The following TNS4 variants were observed in gnomAD, a reference collection of about 807,000 sequenced individuals.
TNS4 encodes tensin-4.
TNS4 carries 46 observed loss-of-function variants against 70.4 expected under a neutral mutation model. That is an observed-to-expected ratio of 0.65 (90% CI 0.52 to 0.84). TNS4 has a LOEUF of 0.84. Ranked by LOEUF, TNS4 falls within the 40% of genes least tolerant of loss-of-function variation. The pLI, the probability that TNS4 is intolerant of heterozygous loss-of-function variation, is 0.00. For synonymous variants in TNS4, 390 were observed against 366.6 expected (o/e 1.06, Z -0.73); for missense variants, 863 against 907.0 (o/e 0.95, Z 0.62).
chr17:40,495,051 A>G (rs1022304741), intron 2 of TNS4, among the ~76,000 whole-genome samples: 1 of 152,072 alleles, frequency 6.6e-6, no homozygotes, highest in Non-Finnish European at 1.5e-5. Flanking sequence ...ATTGGCTTGT[A>G]TCAGCTGGTT....
At chr17:40,496,984 A>T (rs1341718022) in intron 1 of TNS4, among the ~76,000 whole-genome samples, 1 of 152,206 alleles carries the variant, frequency 6.6e-6, no homozygotes, top group African/African-American at 2.4e-5. Flanking sequence ...ATCCCATTTT[A>T]CAGGGAGAGA....
rs1597704666 is a variant in TNS4, at chr17:40,501,528, A to G, written c.-96+6T>C. ...TCCTCTCTTCTTAAAGAATAAAGGC[A>G]CCTACCTGGTGTCCACAGGTGGGCA... On this transcript the variant is annotated splice_donor_region_variant and intron_variant, in intron 1 of 12. Coordinates refer to ENST00000254051, the MANE Select transcript of TNS4 (RefSeq NM_032865.6). The G allele has an allele frequency of 2.0e-5, 3 of 151,864 alleles. No individual in the cohort carries two copies. In the South Asian group the frequency reaches 6.2e-4, roughly 32 times the overall value. The allele number at this position is 151,864 out of a possible 1,614,324, so 9.4% of individuals were successfully genotyped here.
intron 3 of TNS4, among the ~76,000 whole-genome samples, 156 bp from the exon 4 acceptor site, chr17:40,487,616 C>A (rs1039920939): frequency 6.6e-6 from 1 of 152,150 alleles, no homozygotes; most frequent in Admixed American, 6.5e-5. Flanking sequence ...AAGTGCATGC[C>A]CACCTAATCC....
At chr17:40,479,878 C>G (rs758666195) in intron 9 of TNS4, 36 bp from the exon 10 acceptor site, 11 of 1,570,098 alleles carry the variant, frequency 7.0e-6, no homozygotes, top group Non-Finnish European at 8.6e-6. Flanking sequence ...GGCCACTGAC[C>G]CAGGGCCCAG....
Position 40,476,231 on chromosome 17 carries a change from G to A in TNS4, c.*1357C>T, listed in dbSNP as rs1473234157. ...TGGTTCCAGCTTCTGGAGGCTGGGTGGGGGTGGGGTGGGGGTGGGTGTGGG... is the reference window on the plus strand; with the variant it reads ...TGGTTCCAGCTTCTGGAGGCTGGGTAGGGGTGGGGTGGGGGTGGGTGTGGG... On this transcript the variant is annotated 3_prime_UTR_variant, in exon 13 of 13. Coordinates refer to ENST00000254051, the MANE Select transcript of TNS4 (RefSeq NM_032865.6). The A allele has an allele frequency of 1.1e-4, 16 of 151,296 alleles. No homozygotes were observed. Among genetic ancestry groups the A allele is most frequent in the African/African-American group, 3.6e-4 (15 of 41,194 alleles). The allele number at this position is 151,296 out of a possible 1,614,324, so 9.4% of individuals were successfully genotyped here.
At chr17:40,487,509 G>A in intron 3 of TNS4, 49 bp from the exon 4 acceptor site, 1 of 1,552,890 alleles carries the variant, frequency 6.4e-7, no homozygotes, top group Non-Finnish European at 8.7e-7. Flanking sequence ...AGGTGGCTCA[G>A]GGGCTAGAGT....
At chr17:40,501,250 C>G (rs1328017503) in intron 1 of TNS4, among the ~76,000 whole-genome samples, 2 of 152,096 alleles carry the variant, frequency 1.3e-5, no homozygotes, top group Non-Finnish European at 2.9e-5. Flanking sequence ...AGTTTGAGAC[C>G]AGCCTGGCCA....
chr17:40,478,779 A>T, intron 10 of TNS4, 131 bp from the exon 11 acceptor site: 3 of 1,002,654 alleles, frequency 3.0e-6, no homozygotes, highest in Admixed American at 2.2e-5. Flanking sequence ...GACCTTGAAG[A>T]CCGCTATGGC....
Position 40,487,083 on chromosome 17 carries a change from C to A in TNS4, c.1241G>T (p.Ser414Ile). The change falls in exon 4 of 13, where the codon AGC becomes ATC. Residue 414 changes from serine to isoleucine, a missense_variant. Coordinates refer to ENST00000254051, the MANE Select transcript of TNS4 (RefSeq NM_032865.6). ...GGCATCTGACAGGGTCTGGCTGTTG[C>A]TCCTGGTGGCTGGACAGGGGTTGCT... ...SPSNPCPATR[S>I]NSQTLSDAPF... The A allele has an allele frequency of 2.2e-5, 35 of 1,614,198 alleles. No individual in the cohort carries two copies. Among genetic ancestry groups the A allele is most frequent in the Non-Finnish European group, 2.9e-5 (34 of 1,180,024 alleles).
In TNS4 at chr17:40,496,221, C is replaced by T; in HGVS notation, c.205G>A (p.Ala69Thr). 6.3e-7 allele frequency: 1 copy of T among 1,598,600 alleles called. No individual in the cohort carries two copies. The highest frequency in any genetic ancestry group is 8.5e-7 in the Non-Finnish European group (1 of 1,172,832). ...GTGGCTTTGGCCTCCACCTGTGGGG[C>T]TTGCTGGAGTCGGCCAGGGGGCCCC... ...CMGPPGRLQQ[A>T]PQVEAKATCF... The change falls in exon 2 of 13, where the codon GCC becomes ACC. Residue 69 changes from alanine to threonine, a missense_variant. Coordinates refer to ENST00000254051, the MANE Select transcript of TNS4 (RefSeq NM_032865.6).
In TNS4 at chr17:40,477,810, T is replaced by TC. The variant is rs1366950292; in HGVS notation, c.2007-82dup. 7 of 1,314,004 alleles carry TC rather than the reference T, an allele frequency of 5.3e-6. No individual in the cohort carries two copies. The African/African-American group carries it at 8.7e-5, about 16-fold the overall frequency. 81.4% of individuals were successfully genotyped at this position (1,314,004 alleles called of 1,614,324 possible). A position where few individuals can be genotyped will look rare whatever the true frequency, so the allele number is the denominator to read the frequency against. ...GTGGGAATGGGGTGGTGGGGGGCCC[T>TC]CAGCCTGCATCTCATTCCTCCCTGC... On this transcript the variant is annotated intron_variant, in intron 12 of 12. Transcript: ENST00000254051.
intron 3 of TNS4, 84 bp from the exon 4 acceptor site, chr17:40,487,544 G>A: frequency 1.4e-6 from 2 of 1,460,020 alleles, no homozygotes; most frequent in Non-Finnish European, 1.8e-6. Context: ...GGTGATCTGG[G>A]TTCCCATGGC....
At chr17:40,484,653 AC>A in intron 5 of TNS4, 44 bp from the exon 6 acceptor site, 3 of 1,607,142 alleles carry the variant, frequency 1.9e-6, no homozygotes, top group Non-Finnish European at 2.5e-6. Flanking sequence ...CCCCACCTGG[AC>A]ACCCTGTCCC....
Position 40,491,891 on chromosome 17 carries a change from C to T in TNS4, c.440-2922G>A, listed in dbSNP as rs868300000. Among the ~76,000 whole-genome samples the T allele has an allele frequency of 2.8e-4, 43 of 151,944 alleles. 1 individual carries two copies. In the Middle Eastern group the frequency reaches 0.014, roughly 48 times the overall value. On this transcript the variant is annotated intron_variant, in intron 2 of 12. Coordinates refer to ENST00000254051, the MANE Select transcript of TNS4 (RefSeq NM_032865.6). The stretch of plus-strand genomic sequence containing the variant: ...CTTATTAAATACCCTTCACTTGGGG[C>T]GGGTAAACAGCCTTGCCTGGCAGAC...
rs756891788 is a variant in TNS4, at chr17:40,478,295, G to A, written c.2006+12C>T. 2 of 1,613,466 alleles carry A rather than the reference G, an allele frequency of 1.2e-6. No individual in the cohort carries two copies. On this transcript the variant is annotated intron_variant, in intron 12 of 12. Transcript: ENST00000254051. ...ATGTTGGGTTTGGGGCCCTGAGACA[G>A]GAAGGCCTTACCAGGAGGGTTTGCA...
intron 1 of TNS4, among the ~76,000 whole-genome samples, chr17:40,499,258 G>A (rs190039031): frequency 6.3e-4 from 96 of 152,016 alleles, no homozygotes; most frequent in African/African-American, 2.2e-3. Flanking sequence ...CCCCAGTCAC[G>A]TACCCCCTGC....
chr17:40,480,112 C>T lies in TNS4; in HGVS notation c.1742-270G>A, dbSNP rs183260613. ...GGATGTTGCCCTGTGTGTAGAGGTG[C>T]CCAGGAAAACATCCTTCTGTCCACA... On this transcript the variant is annotated intron_variant, in intron 9 of 12. Transcript: ENST00000254051. 1.3e-3 allele frequency: 582 copies of T among 436,110 alleles called. 2 individuals carry two copies. The highest frequency in any genetic ancestry group is 0.01 in the African/African-American group (508 of 49,778). 27.0% of individuals were successfully genotyped at this position (436,110 alleles called of 1,614,324 possible).
intron 2 of TNS4, among the ~76,000 whole-genome samples, chr17:40,494,171 C>T (rs1442275606): frequency 3.3e-5 from 5 of 152,196 alleles, no homozygotes; most frequent in Non-Finnish European, 1.5e-5. Flanking sequence ...ACGTGCAACC[C>T]CAATGTTTAA....
intron 4 of TNS4, among the ~76,000 whole-genome samples, chr17:40,485,931 T>G (rs1014915235): frequency 6.6e-6 from 1 of 152,262 alleles, no homozygotes; most frequent in East Asian, 1.9e-4. Flanking sequence ...TTTCTCCTGC[T>G]TGCCTCCACA....
Sources: gnomAD v4.1 joint callset for allele counts (sites outside exome capture counted in the v4.1 genomes callset) on GRCh38, gnomAD v4.1.1 for gene constraint, MANE v1.5 for transcripts, NCBI Gene and HGNC (gene_info 2026-07-23, HGNC 2026-07-21) for gene names.